CACNB2: variants seen among roughly 807,000 people sequenced by gnomAD.
The protein encoded by CACNB2 is calcium voltage-gated channel auxiliary subunit beta 2.
In CACNB2, 42 loss-of-function variants were observed where a neutral mutation model predicts 73.3. The observed-to-expected ratio is 0.57, with a 90% CI of 0.45 to 0.74. CACNB2 has a LOEUF of 0.74. Ranked by LOEUF, CACNB2 falls within the 30% of genes least tolerant of loss-of-function variation. The probability of loss-of-function intolerance (pLI) is 0.00; values close to 1 mark genes in which losing one functional copy is unlikely to be tolerated. For missense variants in CACNB2, 940 were observed against 853.0 expected (o/e 1.10, Z -1.27); for synonymous variants, 348 against 310.3 (o/e 1.12, Z -1.28).
At chr10:18,179,427 T>C (rs1588631830) in intron 2 of CACNB2, among the ~76,000 whole-genome samples, 3 of 152,336 alleles carry the variant, frequency 2.0e-5, no homozygotes, top group Non-Finnish European at 4.4e-5. Flanking sequence ...ACCATTATGT[T>C]CTTTCCATTT....
chr10:18,417,914 C>G (rs1055966245), intron 3 of CACNB2, among the ~76,000 whole-genome samples: 4 of 137,074 alleles, frequency 2.9e-5, no homozygotes, highest in African/African-American at 1.0e-4. Flanking sequence ...GTTGCCTATT[C>G]GTAAGGGGAA....
intron 2 of CACNB2, among the ~76,000 whole-genome samples, chr10:18,220,653 C>T (rs1393994632): frequency 6.6e-6 from 1 of 152,044 alleles, no homozygotes; most frequent in African/African-American, 2.4e-5. Context: ...GGAACCAGGC[C>T]GCCCAGCAGT....
chr10:18,379,085 G>A (rs2042914621), intron 2 of CACNB2, among the ~76,000 whole-genome samples: 1 of 151,990 alleles, frequency 6.6e-6, no homozygotes, highest in Non-Finnish European at 1.5e-5. Flanking sequence ...TAAATTTTGA[G>A]GCTTACTCTT....
At chr10:18,464,066 C>T (rs550723318) in intron 3 of CACNB2, among the ~76,000 whole-genome samples, 5 of 152,214 alleles carry the variant, frequency 3.3e-5, no homozygotes, top group South Asian at 4.1e-4. Context: ...AAGCTGTCAG[C>T]GGCCTTCACA....
chr10:18,390,849 A>G (rs926360629), intron 2 of CACNB2, among the ~76,000 whole-genome samples: 2 of 152,174 alleles, frequency 1.3e-5, no homozygotes, highest in Admixed American at 1.3e-4. Context: ...TAGTAGCTTC[A>G]ATTTAGTATA....
intron 2 of CACNB2, among the ~76,000 whole-genome samples, chr10:18,252,345 G>A (rs904436204): frequency 5.3e-5 from 8 of 152,264 alleles, no homozygotes; most frequent in East Asian, 1.9e-4. Context: ...AAACAGAGTC[G>A]TTCTTTTGAG....
intron 2 of CACNB2, among the ~76,000 whole-genome samples, chr10:18,382,992 T>C (rs17611556): frequency 0.048 from 7,382 of 152,304 alleles, 235 homozygotes; most frequent in Non-Finnish European, 0.075. Context: ...TGTGTTTTCC[T>C]AGCCCACAGG....
intron 2 of CACNB2, among the ~76,000 whole-genome samples, chr10:18,231,089 T>C (rs1363328533): frequency 6.6e-6 from 1 of 152,218 alleles, no homozygotes; most frequent in East Asian, 1.9e-4. Context: ...CTAGGAATGG[T>C]CCACATGCAA....
At chr10:18,351,910 G>A (rs2041721726) in intron 2 of CACNB2, among the ~76,000 whole-genome samples, 1 of 152,160 alleles carries the variant, frequency 6.6e-6, no homozygotes, top group Non-Finnish European at 1.5e-5. Flanking sequence ...AAGGAAGAGA[G>A]TGATGACATT....
rs1264978206 is a variant in CACNB2 at position 18,385,275 on chromosome 10, T to C, written c.214-16649T>C. Among the ~76,000 whole-genome samples, 4 of 144,318 alleles carry C rather than the reference T, an allele frequency of 2.8e-5. No homozygotes were observed. In the Admixed American group the frequency reaches 2.8e-4, roughly 10 times the overall value. 94.7% of individuals were successfully genotyped at this position (144,318 alleles called of 152,430 possible). ...TCCAGCCTGAGCAACAGAGAGAGAC[T>C]CTAAGAAGGAAAAAAAAAACGGTTG... On this transcript the variant is annotated intron_variant, in intron 2 of 13. Coordinates refer to ENST00000324631, the MANE Select transcript of CACNB2 (RefSeq NM_201596.3).
intron 2 of CACNB2, among the ~76,000 whole-genome samples, chr10:18,362,908 A>T (rs199517671): frequency 2.4e-4 from 8 of 33,336 alleles, no homozygotes; most frequent in Non-Finnish European, 3.8e-4. Flanking sequence ...AACTCTGTTT[A>T]AAAAAAAACA....
chr10:18,218,501 T>C (rs1382475032), intron 2 of CACNB2, among the ~76,000 whole-genome samples: 1 of 152,230 alleles, frequency 6.6e-6, no homozygotes, highest in African/African-American at 2.4e-5. Context: ...AATGTGTATG[T>C]GTAGCACTGC....
chr10:18,486,880 G>A (rs1295925462), intron 3 of CACNB2, among the ~76,000 whole-genome samples: 1 of 152,134 alleles, frequency 6.6e-6, no homozygotes, highest in Non-Finnish European at 1.5e-5. Flanking sequence ...CTCACGGCAG[G>A]GAAATCGAGG....
chr10:18,542,093 CTGAGATAGGAGGATCCCTT>C lies in CACNB2; in HGVS notation c.*2370_*2388del, dbSNP rs1302579145. The C allele has an allele frequency of 6.6e-6, 1 of 152,022 alleles. No homozygotes were observed. The highest frequency in any genetic ancestry group is 1.5e-5 in the Non-Finnish European group (1 of 68,028). 9.4% of individuals were successfully genotyped at this position (152,022 alleles called of 1,614,324 possible). ...CCTGTAGACCCAGCTACTTGGGAGG[CTGAGATAGGAGGATCCCTT>C]GAGCCCAGGAGGTGGAGGCTGCAGT... is the stretch of plus-strand genomic sequence containing the variant. On this transcript the variant is annotated 3_prime_UTR_variant, in exon 14 of 14. Coordinates refer to ENST00000324631, the MANE Select transcript of CACNB2 (RefSeq NM_201596.3).
At position 18,165,511 on chromosome 10, in the gene CACNB2, C is replaced by T. The variant is rs1415951959; in HGVS notation, c.213+14536C>T. Among the ~76,000 whole-genome samples the T allele has an allele frequency of 3.9e-5, 6 of 152,350 alleles. No homozygotes were observed. The East Asian group carries it at 1.2e-3, about 29-fold the overall frequency. Reference sequence around the variant, plus strand: ...CCCTGTGACCTCCGCCTCCCAGGTTCAGGCGACTGTTGAGCCTCAGCCTCC... The same window carrying T: ...CCCTGTGACCTCCGCCTCCCAGGTTTAGGCGACTGTTGAGCCTCAGCCTCC... On this transcript the variant is annotated intron_variant, in intron 2 of 13. Coordinates refer to ENST00000324631, the MANE Select transcript of CACNB2 (RefSeq NM_201596.3).
intron 1 of CACNB2, among the ~76,000 whole-genome samples, chr10:18,144,373 C>G (rs1335508958): frequency 6.6e-6 from 1 of 152,228 alleles, no homozygotes; most frequent in Admixed American, 6.5e-5. Context: ...CGCCACCATG[C>G]CCAGCCCAAA....
At chr10:18,213,133 C>A (rs911532620) in intron 2 of CACNB2, among the ~76,000 whole-genome samples, 1 of 152,154 alleles carries the variant, frequency 6.6e-6, no homozygotes. Context: ...TGGCCCTTGG[C>A]GGCAGGTCCT....
At chr10:18,383,512 G>A (rs970300061) in intron 2 of CACNB2, among the ~76,000 whole-genome samples, 1 of 152,166 alleles carries the variant, frequency 6.6e-6, no homozygotes, top group South Asian at 2.1e-4. Flanking sequence ...GAGCAATATC[G>A]TCTTCATGTG....
At position 18,539,762 on chromosome 10, in the gene CACNB2, A is replaced by C. The variant is rs778982816; in HGVS notation, c.*38A>C. The C allele has an allele frequency of 1.3e-6, 2 of 1,519,678 alleles. No homozygotes were observed. The highest frequency in any genetic ancestry group is 1.8e-6 in the Non-Finnish European group (2 of 1,127,558). 94.1% of individuals were successfully genotyped at this position (1,519,678 alleles called of 1,614,324 possible). ...TGTGTTTTTTTTTTTTTTTTTTTGA[A>C]GTCTTGTATAACTAACAGCATCCCC... On this transcript the variant is annotated 3_prime_UTR_variant, in exon 14 of 14. Coordinates refer to ENST00000324631, the MANE Select transcript of CACNB2 (RefSeq NM_201596.3).
Sources: allele counts gnomAD v4.1 joint callset (sites outside exome capture counted in the v4.1 genomes callset), GRCh38; gene constraint gnomAD v4.1.1; transcripts MANE v1.5; gene names NCBI Gene and HGNC (gene_info 2026-07-23, HGNC 2026-07-21).